EYA3: variants seen among roughly 807,000 people sequenced by gnomAD.
EYA3 encodes protein phosphatase EYA3.
Under a neutral mutation model 80.0 loss-of-function variants are expected in EYA3, and 39 were observed. The observed-to-expected ratio is 0.49, with a 90% CI of 0.38 to 0.64. EYA3 has a LOEUF of 0.64. EYA3 is among the 30% of genes least tolerant of loss of function. EYA3 has a pLI of 0.00. For synonymous variants in EYA3, 206 were observed against 232.8 expected (o/e 0.88, Z 1.05); for missense variants, 523 against 676.1 (o/e 0.77, Z 2.51).
At chr1:27,995,421 G>GAAAAA (rs55902170) in intron 13 of EYA3, among the ~76,000 whole-genome samples, 6 of 79,192 alleles carry the variant, frequency 7.6e-5, no homozygotes, top group Non-Finnish European at 1.5e-4. Context: ...ATCTTAAAAG[G>GAAAAA]AAAAAAAAAA....
chr1:28,072,513 G>T (rs1048562133), intron 1 of EYA3, among the ~76,000 whole-genome samples: 5 of 152,004 alleles, frequency 3.3e-5, no homozygotes, highest in Non-Finnish European at 7.4e-5. Context: ...ACACTTACTA[G>T]AATGTCTAAA....
chr1:28,056,913 C>T (rs555794339), intron 2 of EYA3, among the ~76,000 whole-genome samples: 3 of 152,182 alleles, frequency 2.0e-5, no homozygotes, highest in African/African-American at 4.8e-5. Flanking sequence ...TATAATTCAG[C>T]TATTTGTTCC....
intron 17 of EYA3, chr1:27,977,418 G>A: frequency 3.2e-6 from 5 of 1,545,830 alleles, no homozygotes; most frequent in Non-Finnish European, 3.5e-6. Context: ...GGATAGGGAG[G>A]GAAAGAACTT....
intron 1 of EYA3, among the ~76,000 whole-genome samples, chr1:28,073,933 G>C (rs375189939): frequency 2.6e-5 from 4 of 151,996 alleles, no homozygotes; most frequent in Non-Finnish European, 5.9e-5. Context: ...TATAAACACA[G>C]ACCACAGTTT....
At chr1:28,048,203 G>C (rs1283572939) in intron 3 of EYA3, among the ~76,000 whole-genome samples, 180 bp downstream of exon 3, 1 of 151,884 alleles carries the variant, frequency 6.6e-6, no homozygotes, top group East Asian at 1.9e-4. Flanking sequence ...CAGTGCACAA[G>C]TTTCAGGAAA....
intron 3 of EYA3, among the ~76,000 whole-genome samples, chr1:28,043,897 G>C (rs1432267364): frequency 6.6e-6 from 1 of 151,964 alleles, no homozygotes; most frequent in Non-Finnish European, 1.5e-5. Context: ...TCCAAGCGGG[G>C]GTTCTAAACC....
chr1:28,049,523 A>G (rs1644160151), intron 2 of EYA3, among the ~76,000 whole-genome samples: 1 of 152,246 alleles, frequency 6.6e-6, no homozygotes, highest in Admixed American at 6.5e-5. Context: ...ATTAAATCCA[A>G]AAGCCATAAA....
At chr1:28,012,410 G>A (rs919484364) in intron 9 of EYA3, among the ~76,000 whole-genome samples, 5 of 152,122 alleles carry the variant, frequency 3.3e-5, no homozygotes, top group South Asian at 2.1e-4. Context: ...TAGGGTGACC[G>A]CACAGAAAAC....
intron 7 of EYA3, among the ~76,000 whole-genome samples, chr1:28,024,839 T>C (rs1207943791): frequency 1.3e-5 from 2 of 152,128 alleles, no homozygotes; most frequent in African/African-American, 4.8e-5. Flanking sequence ...TTCAAAACAT[T>C]TTTATGAGCA....
At chr1:28,005,960 C>T (rs1051590684) in intron 10 of EYA3, among the ~76,000 whole-genome samples, 3 of 151,782 alleles carry the variant, frequency 2.0e-5, no homozygotes, top group African/African-American at 7.3e-5. Flanking sequence ...CAAAAATTAG[C>T]TGGGTGTGGT....
chr1:28,077,746 TC>T (rs1189465559), intron 1 of EYA3, among the ~76,000 whole-genome samples: 1 of 152,248 alleles, frequency 6.6e-6, no homozygotes, highest in African/African-American at 2.4e-5. Context: ...TCTTCATCCT[TC>T]TTTAATCTGT....
At chr1:28,042,465 G>A (rs924924680) in intron 4 of EYA3, 106 bp downstream of exon 4, 3 of 893,444 alleles carry the variant, frequency 3.4e-6, no homozygotes, top group Non-Finnish European at 5.4e-6. Flanking sequence ...AGAGCCTTCA[G>A]GATATTTTGG....
chr1:28,013,006 G>C lies in EYA3; in HGVS notation c.769+105C>G. On this transcript the variant is annotated intron_variant, in intron 9 of 17. Transcript: ENST00000373871. This position sits in a 1 kb window ranked among gnomAD's most constrained non-coding sequence, Gnocchi z 4.0. Reference sequence around the variant, plus strand: ...ACCTCAGAGGGAAAGCCAAAAGCATGGTAACAATGACTTAAGACAGAACAA... The same window carrying C: ...ACCTCAGAGGGAAAGCCAAAAGCATCGTAACAATGACTTAAGACAGAACAA... 8.0e-7 allele frequency: 1 copy of C among 1,249,212 alleles called. No individual in the cohort carries two copies. The highest frequency in any genetic ancestry group is 1.1e-6 in the Non-Finnish European group (1 of 896,012). The allele number at this position is 1,249,212 out of a possible 1,614,324, so 77.4% of individuals were successfully genotyped here.
At chr1:28,037,587 T>C (rs1643526041) in intron 5 of EYA3, among the ~76,000 whole-genome samples, 1 of 152,208 alleles carries the variant, frequency 6.6e-6, no homozygotes. Context: ...AAAGCTCAAA[T>C]GTGTTTTCAC....
chr1:28,047,829 C>T (rs532465110), intron 3 of EYA3, among the ~76,000 whole-genome samples: 6 of 152,002 alleles, frequency 3.9e-5, no homozygotes, highest in South Asian at 4.1e-4. Context: ...TTAGTAGAGA[C>T]GGGGTTTCAC....
chr1:27,975,058 C>T (rs1445484981), intron 17 of EYA3, among the ~76,000 whole-genome samples: 2 of 152,208 alleles, frequency 1.3e-5, no homozygotes, highest in Admixed American at 6.5e-5. Context: ...TTCAGAACTG[C>T]AACACCTAAA....
At chr1:28,060,374 T>C (rs536862937) in intron 1 of EYA3, among the ~76,000 whole-genome samples, 1 of 152,220 alleles carries the variant, frequency 6.6e-6, no homozygotes, top group Non-Finnish European at 1.5e-5. Context: ...AAACGCTCTA[T>C]CAAGTTGAAT....
intron 10 of EYA3, among the ~76,000 whole-genome samples, chr1:28,004,706 T>C (rs1211696596): frequency 6.6e-6 from 1 of 151,892 alleles, no homozygotes; most frequent in Non-Finnish European, 1.5e-5. Flanking sequence ...TTTACATATA[T>C]ATATGTATTT....
At chr1:28,086,097 T>C (rs1645640666) in intron 1 of EYA3, among the ~76,000 whole-genome samples, 1 of 152,156 alleles carries the variant, frequency 6.6e-6, no homozygotes, top group Admixed American at 6.5e-5. Context: ...ACCCACTAAA[T>C]ACTATATTGT....
Sources: allele counts gnomAD v4.1 joint callset (sites outside exome capture counted in the v4.1 genomes callset), GRCh38; gene constraint gnomAD v4.1.1; non-coding constraint Gnocchi (gnomAD v3.1); transcripts MANE v1.5; gene names NCBI Gene and HGNC (gene_info 2026-07-23, HGNC 2026-07-21).